ZNF836: variants seen among roughly 807,000 people sequenced by gnomAD.
ZNF836 encodes zinc finger protein 836.
Under a neutral mutation model 7.4 loss-of-function variants are expected in ZNF836, and 12 were observed. That is an observed-to-expected ratio of 1.61 (90% CI 1.03 to 2.61). The LOEUF is 2.61. Among genes scored for constraint, ZNF836 ranks in the 30% most tolerant of loss-of-function variants. The pLI is 0.00. For synonymous variants in ZNF836, 365 were observed against 382.6 expected (o/e 0.95, Z 0.54); for missense variants, 998 against 1,126.2 (o/e 0.89, Z 1.63).
intron 3 of ZNF836, among the ~76,000 whole-genome samples, chr19:52,164,008 G>A (rs1268996994): frequency 2.8e-5 from 4 of 142,670 alleles, no homozygotes; most frequent in Non-Finnish European, 3.1e-5. Context: ...GTGAAACCCT[G>A]CCACAAAAGA....
intron 4 of ZNF836, among the ~76,000 whole-genome samples, chr19:52,159,893 A>G (rs767481068): frequency 6.6e-6 from 1 of 152,094 alleles, no homozygotes; most frequent in Non-Finnish European, 1.5e-5. Flanking sequence ...AAAGAGAGAT[A>G]CTAATTTAGA....
Position 52,156,441 on chromosome 19 carries a change from G to T in ZNF836, c.1242C>A (p.Tyr414Ter), listed in dbSNP as rs2089161072. The T allele has an allele frequency of 6.2e-7, 1 of 1,614,084 alleles. No homozygotes were observed. The highest frequency in any genetic ancestry group is 1.7e-5 in the Admixed American group (1 of 60,004). ...AGGTTTTGCCACACTCATCACATTT[G>T]TAAGGTTTGTTTCCACTATGAACTG... ...HQTVHSGNKP[Y>*]KCDECGKTFK... is the part of the protein sequence containing the mutation. Residue 414 changes from tyrosine to a stop codon, truncating the protein, a stop_gained, in exon 5 of 5, where the codon TAC becomes TAA. Transcript: ENST00000682614. LOFTEE classifies it low-confidence loss of function (END_TRUNC).
intron 3 of ZNF836, 30 bp downstream of exon 3, chr19:52,168,028 C>T: frequency 6.6e-7 from 1 of 1,515,960 alleles, no homozygotes; most frequent in Non-Finnish European, 9.2e-7. Flanking sequence ...AGGAAGGAGA[C>T]AGAATGATCC....
In ZNF836 at chr19:52,157,331, T is replaced by G; in HGVS notation, c.352A>C (p.Asn118His). The change falls in exon 5 of 5, where the codon AAC becomes CAC. Residue 118 changes from asparagine (N) to histidine (H), a missense_variant. Coordinates refer to ENST00000682614, the MANE Select transcript of ZNF836 (RefSeq NM_001102657.3). ...TGACCTCTTTTACCATTAAGATTGT[T>G]TTTATAGGTCATTGGCACTTCTTTA... ...NYKEVPMTYK[N>H]NLNGKRGQHS... The G allele has an allele frequency of 6.2e-7, 1 of 1,606,060 alleles. No homozygotes were observed. Among genetic ancestry groups the G allele is most frequent in the Non-Finnish European group, 8.5e-7 (1 of 1,177,434 alleles).
intron 3 of ZNF836, chr19:52,165,246 A>G (rs1398791437): frequency 6.6e-6 from 1 of 152,222 alleles, no homozygotes; most frequent in Non-Finnish European, 1.5e-5. Context: ...ATCCTAAAAG[A>G]GGCACTCACT....
At chr19:52,166,840 A>C (rs1022460525) in intron 3 of ZNF836, among the ~76,000 whole-genome samples, 1 of 151,414 alleles carries the variant, frequency 6.6e-6, no homozygotes, top group Non-Finnish European at 1.5e-5. Context: ...CGGCCTCCCA[A>C]AGTGCTGGGA....
chr19:52,164,854 A>C (rs148481231), intron 3 of ZNF836, among the ~76,000 whole-genome samples: 303 of 152,314 alleles, frequency 2.0e-3, no homozygotes, highest in African/African-American at 7.0e-3. Flanking sequence ...TCTGGAGGCT[A>C]AGGCAAGCGG....
intron 3 of ZNF836, among the ~76,000 whole-genome samples, chr19:52,167,678 C>T (rs2089277734): frequency 6.6e-6 from 1 of 152,000 alleles, no homozygotes; most frequent in South Asian, 2.1e-4. Flanking sequence ...TATGAGGTAT[C>T]GTGCACATTA....
At position 52,168,097 on chromosome 19, in the gene ZNF836, C is replaced by A. The variant is rs1464430708; in HGVS notation, c.-25G>T. ...TCCCTGACTCCTTTTCTTTCCTCTT[C>A]TTCCTCTTCTGGGCTTCTCTCTCAG... is the stretch of plus-strand genomic sequence containing the variant. On this transcript the variant is annotated 5_prime_UTR_variant, in exon 3 of 5. Coordinates refer to ENST00000682614, the MANE Select transcript of ZNF836 (RefSeq NM_001102657.3). The A allele has an allele frequency of 6.2e-7, 1 of 1,611,748 alleles. No individual in the cohort carries two copies.
At position 52,157,064 on chromosome 19, in the gene ZNF836, G is replaced by A; in HGVS notation, c.619C>T (p.Gln207Ter). 1 of 1,613,948 alleles carries A rather than the reference G, an allele frequency of 6.2e-7. No homozygotes were observed. The highest frequency in any genetic ancestry group is 8.5e-7 in the Non-Finnish European group (1 of 1,179,894). ...TCCCTAATGTGTGTTTTCTCAAGTT[G>A]GGTGGGTAATGACAGCTGCAAAAAC... ...NEFLQLSLPT[Q>*]LEKTHIREKP... Residue 207 changes from glutamine to a stop codon, truncating the protein, a stop_gained, in exon 5 of 5, where the codon CAA becomes TAA. Transcript: ENST00000682614. LOFTEE classifies it low-confidence loss of function (END_TRUNC).
intron 2 of ZNF836, among the ~76,000 whole-genome samples, chr19:52,169,193 A>C (rs1352261143): frequency 6.6e-6 from 1 of 152,274 alleles, no homozygotes; most frequent in East Asian, 1.9e-4. Context: ...ATCTTATTTC[A>C]GAAGTCAGTA....
rs149608309 is a variant in ZNF836 at position 52,160,834 on chromosome 19, G to A, written c.16-243C>T. 2.3e-3 allele frequency among the ~76,000 whole-genome samples: 353 copies of A among 152,276 alleles called. 1 individual carries two copies. Among genetic ancestry groups the A allele is most frequent in the African/African-American group, 7.8e-3 (323 of 41,558 alleles). The stretch of plus-strand genomic sequence containing the variant: ...GTGTACAATGCAAGAAATATACAAA[G>A]AAATGAACACGTGGTTATCTGTATA... On this transcript the variant is annotated intron_variant, in intron 3 of 4. Transcript: ENST00000682614.
chr19:52,169,387 C>T (rs1238946546), intron 2 of ZNF836, among the ~76,000 whole-genome samples: 1 of 152,114 alleles, frequency 6.6e-6, no homozygotes, highest in Non-Finnish European at 1.5e-5. Flanking sequence ...CAAGACCAGC[C>T]TGACCAACAT....
At position 52,155,478 on chromosome 19, in the gene ZNF836, T is replaced by C. The variant is rs1400830709; in HGVS notation, c.2205A>G (p.Thr735=). Residue 735 remains threonine (T), a synonymous_variant, in exon 5 of 5, where the codon ACA becomes ACG. Coordinates refer to ENST00000682614, the MANE Select transcript of ZNF836 (RefSeq NM_001102657.3). ...GCCTTCTCTGATGGTACGTCAGGCC[T>C]GTTATATGACTAAAAGTTCTACCAC... ...SHCGRTFSHI[T]GLTYHQRRHT... The C allele has an allele frequency of 1.5e-5, 24 of 1,613,926 alleles. No individual in the cohort carries two copies. The highest frequency in any genetic ancestry group is 1.9e-5 in the Non-Finnish European group (23 of 1,179,912).
intron 3 of ZNF836, among the ~76,000 whole-genome samples, chr19:52,166,900 C>A (rs998427603): frequency 1.3e-5 from 2 of 151,672 alleles, no homozygotes; most frequent in African/African-American, 4.8e-5. Context: ...CTTAATGCCT[C>A]AACTGCATCT....
intron 3 of ZNF836, among the ~76,000 whole-genome samples, chr19:52,166,600 G>T (rs2089266302): frequency 7.2e-6 from 1 of 139,672 alleles, no homozygotes; most frequent in African/African-American, 2.6e-5. Context: ...TTGAGACGGA[G>T]TCTCGCTCTG....
chr19:52,167,391 G>A (rs903540767), intron 3 of ZNF836, among the ~76,000 whole-genome samples: 4 of 133,700 alleles, frequency 3.0e-5, no homozygotes, highest in South Asian at 2.4e-4. Flanking sequence ...AGAATCACTT[G>A]AACCAGGGAG....
intron 3 of ZNF836, chr19:52,165,215 T>C (rs1470973045): frequency 6.6e-6 from 1 of 152,222 alleles, no homozygotes; most frequent in African/African-American, 2.4e-5. Context: ...CATTTATTTA[T>C]TTTTGCTTTT....
In ZNF836 at chr19:52,161,573, A is replaced by G. The variant is rs1354644477; in HGVS notation, c.16-982T>C. 6.6e-6 allele frequency among the ~76,000 whole-genome samples: 1 copy of G among 151,942 alleles called. No homozygotes were observed. Among genetic ancestry groups the G allele is most frequent in the Non-Finnish European group, 1.5e-5 (1 of 68,008 alleles). On this transcript the variant is annotated intron_variant, in intron 3 of 4. Coordinates refer to ENST00000682614, the MANE Select transcript of ZNF836 (RefSeq NM_001102657.3). This position sits in a 1 kb window ranked among gnomAD's most constrained non-coding sequence, Gnocchi z 4.1. ...ATAAAGGCAGACTTCTCATGATCCA[A>G]TCTCCTCCTAAAGGCCACGACTCAT...
Sources: gnomAD v4.1 joint callset for allele counts (sites outside exome capture counted in the v4.1 genomes callset) on GRCh38, gnomAD v4.1.1 for gene constraint, Gnocchi (gnomAD v3.1) non-coding constraint, MANE v1.5 for transcripts, NCBI Gene and HGNC (gene_info 2026-07-23, HGNC 2026-07-21) for gene names.